CSMD2: variants seen among roughly 807,000 people sequenced by gnomAD.
CSMD2 encodes the protein CUB and Sushi multiple domains 2, also known as CUB and sushi domain-containing protein 2.
CSMD2 carries 130 observed loss-of-function variants against 398.5 expected under a neutral mutation model. The ratio of observed to expected loss-of-function variants is 0.33; its 90% CI spans 0.28 to 0.38. The LOEUF (loss-of-function observed/expected upper bound fraction) is 0.38. CSMD2 is among the 10% of genes least tolerant of loss of function. The probability of loss-of-function intolerance (pLI) is 1.00; values close to 1 mark genes in which losing one functional copy is unlikely to be tolerated. For missense variants in CSMD2, 3,829 were observed against 4,764.9 expected, an observed-to-expected ratio of 0.80 and a Z score of 5.78; for synonymous variants, 1,828 against 1,908.5, an observed-to-expected ratio of 0.96 and a Z score of 1.10.
intron 16 of CSMD2, 40 bp downstream of exon 16, chr1:33,726,507 T>TC (rs1307797838): frequency 6.4e-7 from 1 of 1,569,474 alleles, no homozygotes. Flanking sequence ...TGTAAAAATC[T>TC]CCCCCTTGCC....
intron 1 of CSMD2, among the ~76,000 whole-genome samples, chr1:34,143,086 A>G (rs1290595781): frequency 6.6e-6 from 1 of 152,070 alleles, no homozygotes; most frequent in Non-Finnish European, 1.5e-5. Flanking sequence ...CAAATCTCAG[A>G]CTATGTCTAT....
At chr1:34,158,435 A>G (rs941300942) in intron 1 of CSMD2, among the ~76,000 whole-genome samples, 3 of 152,222 alleles carry the variant, frequency 2.0e-5, no homozygotes, top group Admixed American at 1.3e-4. Flanking sequence ...AGGGCAATGC[A>G]GTGCATTCTC....
chr1:33,944,230 GCCCC>G (rs35597190), intron 3 of CSMD2, among the ~76,000 whole-genome samples: 1 of 146,776 alleles, frequency 6.8e-6, no homozygotes, highest in Non-Finnish European at 1.5e-5. Context: ...TCTCAGGAAC[GCCCC>G]CCCCCCAACT....
At position 33,810,541 on chromosome 1, in the gene CSMD2, T is replaced by C. The variant is rs992979968; in HGVS notation, c.1446+202A>G. Among the ~76,000 whole-genome samples the C allele has an allele frequency of 9.9e-5, 15 of 152,222 alleles. No homozygotes were observed. In the East Asian group the frequency reaches 2.7e-3, roughly 27 times the overall value. ...AGCTGAACGATGGCTGCACAGGTGT[T>C]TGTTGTATTGGTGTTCTTTATATTT... On this transcript the variant is annotated intron_variant, in intron 10 of 70. Coordinates refer to ENST00000373381, the MANE Select transcript of CSMD2 (RefSeq NM_001281956.2).
chr1:33,680,932 T>TTTTC (rs1644890174), intron 25 of CSMD2, among the ~76,000 whole-genome samples: 1 of 138,840 alleles, frequency 7.2e-6, no homozygotes, highest in Admixed American at 7.3e-5. Flanking sequence ...TTTTTTTTTT[T>TTTTC]TTTTTTTTTT....
chr1:34,163,256 G>T lies in CSMD2; in HGVS notation c.187+1655C>A, dbSNP rs1047516196. The stretch of plus-strand genomic sequence containing the variant: ...GATTCCCCCACCGCCCATGTGGCAA[G>T]TCTGGGTGACCAGCAGCGTCGGTAT... On this transcript the variant is annotated intron_variant, in intron 1 of 70. Transcript: ENST00000373381. The surrounding 1 kb of genome is among the most constrained non-coding windows in gnomAD (Gnocchi z 5.4). Among the ~76,000 whole-genome samples, 1 of 152,266 alleles carries T rather than the reference G, an allele frequency of 6.6e-6. No individual in the cohort carries two copies. The highest frequency in any genetic ancestry group is 2.4e-5 in the African/African-American group (1 of 41,474).
chr1:33,667,456 G>A (rs1345948982), intron 25 of CSMD2, among the ~76,000 whole-genome samples: 1 of 152,146 alleles, frequency 6.6e-6, no homozygotes, highest in Non-Finnish European at 1.5e-5. Flanking sequence ...ACAAGGTCAT[G>A]GGCTGGTTAG....
At chr1:33,561,329 C>G (rs966990064) in intron 53 of CSMD2, among the ~76,000 whole-genome samples, 3 of 152,252 alleles carry the variant, frequency 2.0e-5, no homozygotes, top group Admixed American at 6.5e-5. Flanking sequence ...GCTATGAAGG[C>G]CAGCAGACCA....
chr1:33,874,776 C>CT (rs1640720497), intron 5 of CSMD2, among the ~76,000 whole-genome samples: 1 of 152,246 alleles, frequency 6.6e-6, no homozygotes, highest in Admixed American at 6.5e-5. Context: ...TCCCCACACT[C>CT]TGTCATTATA....
intron 62 of CSMD2, among the ~76,000 whole-genome samples, chr1:33,536,758 C>T (rs1655832124): frequency 6.6e-6 from 1 of 152,260 alleles, no homozygotes. Context: ...ACCACCCTGC[C>T]TGGGGTTGCC....
chr1:33,892,852 A>G (rs1642118617), intron 5 of CSMD2, among the ~76,000 whole-genome samples: 1 of 152,174 alleles, frequency 6.6e-6, no homozygotes, highest in Admixed American at 6.5e-5. Context: ...TTTCCCTCTG[A>G]GTCTGGTTGG....
intron 5 of CSMD2, among the ~76,000 whole-genome samples, chr1:33,890,547 A>AT (rs893193467): frequency 1.1e-4 from 17 of 151,494 alleles, no homozygotes; most frequent in African/African-American, 1.2e-4. Context: ...TTAAAATTAA[A>AT]TTTTTTTTTG....
At chr1:34,080,192 C>G (rs146271367) in intron 2 of CSMD2, among the ~76,000 whole-genome samples, 420 of 146,140 alleles carry the variant, frequency 2.9e-3, no homozygotes, top group African/African-American at 1.0e-2. Flanking sequence ...TATATATATA[C>G]ATATACAAAA....
chr1:33,810,242 C>T (rs992592639), intron 10 of CSMD2, among the ~76,000 whole-genome samples: 14 of 152,100 alleles, frequency 9.2e-5, no homozygotes, highest in African/African-American at 3.4e-4. Context: ...TGTAGAAGTA[C>T]AAACTACATA....
At chr1:34,136,014 A>G (rs1638718942) in intron 1 of CSMD2, among the ~76,000 whole-genome samples, 1 of 152,044 alleles carries the variant, frequency 6.6e-6, no homozygotes, top group African/African-American at 2.4e-5. Flanking sequence ...GTTATAACTA[A>G]TTAAACTTAA....
At chr1:33,657,920 G>A (rs764297169) in intron 27 of CSMD2, 26 bp downstream of exon 27, 1 of 1,596,106 alleles carries the variant, frequency 6.3e-7, no homozygotes, top group South Asian at 1.1e-5. Flanking sequence ...CCCAAGAGCA[G>A]AGTGCACCCT....
intron 12 of CSMD2, among the ~76,000 whole-genome samples, chr1:33,773,892 G>A (rs1651610117): frequency 6.6e-6 from 1 of 152,132 alleles, no homozygotes. Flanking sequence ...ATCATGGGCT[G>A]TCAGAGCCAC....
intron 64 of CSMD2, 73 bp from the exon 65 acceptor site, chr1:33,527,331 C>T: frequency 5.6e-6 from 7 of 1,259,988 alleles, no homozygotes; most frequent in Non-Finnish European, 6.8e-6. Flanking sequence ...ATAATGACCA[C>T]CTGTCTGACC....
intron 5 of CSMD2, among the ~76,000 whole-genome samples, chr1:33,854,390 G>C (rs1054923673): frequency 2.4e-4 from 36 of 152,368 alleles, no homozygotes; most frequent in African/African-American, 7.9e-4. Flanking sequence ...GCTGGTGAAA[G>C]CAGAGGTTAC....
Sources: gnomAD v4.1 joint callset for allele counts (sites outside exome capture counted in the v4.1 genomes callset) on GRCh38, gnomAD v4.1.1 for gene constraint, Gnocchi (gnomAD v3.1) non-coding constraint, MANE v1.5 for transcripts, NCBI Gene and HGNC (gene_info 2026-07-23, HGNC 2026-07-21) for gene names.